The following TRPM1 variants were observed in gnomAD, a reference collection of about 807,000 sequenced individuals.
TRPM1 encodes the protein transient receptor potential cation channel subfamily M member 1.
TRPM1 carries 113 observed loss-of-function variants against 149.4 expected under a neutral mutation model. That is an observed-to-expected ratio of 0.76 (90% CI 0.65 to 0.88). The LOEUF (loss-of-function observed/expected upper bound fraction) is 0.88. Ranked by LOEUF, TRPM1 falls within the 40% of genes least tolerant of loss-of-function variation. TRPM1 has a pLI of 0.00. For synonymous variants in TRPM1, 741 were observed against 759.5 expected (o/e 0.98, Z 0.40); for missense variants, 1,976 against 2,038.7 (o/e 0.97, Z 0.59).
At chr15:31,113,123 G>A (rs758158845) in intron 1 of TRPM1, among the ~76,000 whole-genome samples, 36 of 152,116 alleles carry the variant, frequency 2.4e-4, no homozygotes, top group Non-Finnish European at 4.9e-4. Flanking sequence ...AGGTAGCTAA[G>A]ATCACCTCTC....
At chr15:31,098,106 C>T (rs967786446) in intron 1 of TRPM1, among the ~76,000 whole-genome samples, 81 of 152,094 alleles carry the variant, frequency 5.3e-4, no homozygotes, top group Middle Eastern at 6.3e-3. Flanking sequence ...GTCTGTGGCG[C>T]GTGTGCTATT....
intron 12 of TRPM1, 41 bp from the exon 13 acceptor site, chr15:31,049,550 A>G (rs2033885327): frequency 6.2e-7 from 1 of 1,612,044 alleles, no homozygotes; most frequent in Admixed American, 1.7e-5. Context: ...GTGGCCTCTC[A>G]GAGACACAGG....
chr15:31,060,077 CA>C (rs2034183716), intron 11 of TRPM1, among the ~76,000 whole-genome samples: 1 of 151,910 alleles, frequency 6.6e-6, no homozygotes, highest in Non-Finnish European at 1.5e-5. Flanking sequence ...CACATACAGG[CA>C]CACCACATAT....
At chr15:31,104,856 AGT>A (rs1379142047), upstream of TRPM1, among the ~76,000 whole-genome samples, 1 of 151,976 alleles carries the variant, frequency 6.6e-6, no homozygotes, top group East Asian at 1.9e-4. Flanking sequence ...GGCCTCCCAA[AGT>A]GCTGGGATTA....
rs2035787873 is a variant in TRPM1 at position 31,115,599 on chromosome 15, A to AC, written c.55-38616dup. On this transcript the variant is annotated intron_variant, in intron 1 of 26. Transcript: ENST00000542188. ...TTCCAGAGATGGCCAATCTTAGGGT[A>AC]CCCCTCACACTTTTGTGAGTTTTAC... Among the ~76,000 whole-genome samples the AC allele has an allele frequency of 3.3e-5, 5 of 152,156 alleles. No individual in the cohort carries two copies. The South Asian group carries it at 8.3e-4, about 25-fold the overall frequency.
chr15:31,047,055 G>A (rs558079078), intron 15 of TRPM1, 56 bp downstream of exon 15: 233 of 1,612,538 alleles, frequency 1.4e-4, no homozygotes, highest in Non-Finnish European at 1.7e-4. Flanking sequence ...AAAAGCAAGC[G>A]AGGAACCACA....
rs1005903684 is a variant in TRPM1 at position 31,044,514 on chromosome 15, T to C, written c.1794+1690A>G. On this transcript the variant is annotated intron_variant, in intron 16 of 27. Transcript: ENST00000256552. ...GAGGCTGGGCGTGGTGGCTCGTGCC[T>C]GTAATTCCAGCACTTTGGGAGGCCA... 8.5e-5 allele frequency among the ~76,000 whole-genome samples: 13 copies of C among 152,294 alleles called. No individual in the cohort carries two copies. In the East Asian group the frequency reaches 2.5e-3, roughly 29 times the overall value.
In TRPM1 at chr15:31,145,756, T is replaced by G. The variant is rs75378896; in HGVS notation, c.54+15150A>C. Among the ~76,000 whole-genome samples, 502 of 152,234 alleles carry G rather than the reference T, an allele frequency of 3.3e-3. 2 individuals carry two copies. The highest frequency in any genetic ancestry group is 0.011 in the African/African-American group (476 of 41,540). ...CTGCAAAAAATCAATACACAGCCAC[T>G]CAAAATGTGTAGAGGACTCACAGGC... On this transcript the variant is annotated intron_variant, in intron 1 of 26. Transcript: ENST00000542188.
chr15:31,077,872 G>A (rs2034752188), intron 2 of TRPM1, among the ~76,000 whole-genome samples: 1 of 151,890 alleles, frequency 6.6e-6, no homozygotes, highest in Non-Finnish European at 1.5e-5. Context: ...TGTGGTGTGT[G>A]TTTGTGATGT....
chr15:31,002,835 C>T lies in TRPM1; in HGVS notation c.3865G>A (p.Ala1289Thr), dbSNP rs932293179. ...YLLRQSSINS[A>T]DGYSLYRYHF... The stretch of plus-strand genomic sequence containing the variant: ...TATCGATACAAGCTGTAGCCATCAG[C>T]GCTATTGATGCTGCTTTGCCGGAGA... Residue 1289 changes from alanine (A) to threonine (T), a missense_variant, in exon 28 of 28, where the codon GCT (alanine) becomes ACT (threonine). By Grantham distance (58) the Ala-to-Thr change is moderately conservative. Coordinates refer to ENST00000256552, the MANE Select transcript of TRPM1 (RefSeq NM_001252024.2). 3.7e-6 allele frequency: 6 copies of T among 1,614,220 alleles called. No homozygotes were observed. The highest frequency in any genetic ancestry group is 2.2e-5 in the East Asian group (1 of 44,890).
At position 31,047,271 on chromosome 15, in the gene TRPM1, T is replaced by C. The variant is rs945927803; in HGVS notation, c.1624-20A>G. 1 of 1,614,042 alleles carries C rather than the reference T, an allele frequency of 6.2e-7. No homozygotes were observed. Among genetic ancestry groups the C allele is most frequent in the African/African-American group, 1.3e-5 (1 of 74,920 alleles). ...GTTGCTCTGTAAAAGAAGTCTGGTC[T>C]CAGGCCCTGTGAGAATGCGTTCGCA... On this transcript the variant is annotated intron_variant, in intron 14 of 27. Coordinates refer to ENST00000256552, the MANE Select transcript of TRPM1 (RefSeq NM_001252024.2).
chr15:31,133,710 G>A (rs2036051628), intron 1 of TRPM1, among the ~76,000 whole-genome samples: 2 of 151,914 alleles, frequency 1.3e-5, no homozygotes, highest in Admixed American at 6.6e-5. Flanking sequence ...ATTGGGAGGG[G>A]GTGGGAAACT....
chr15:31,006,595 G>C (rs1043519175), intron 27 of TRPM1, among the ~76,000 whole-genome samples: 5 of 152,320 alleles, frequency 3.3e-5, no homozygotes, highest in African/African-American at 9.6e-5. Context: ...GGTTTTGTGT[G>C]AACATGTTTT....
chr15:31,047,928 T>C lies in TRPM1; in HGVS notation c.1584A>G (p.Pro528=), dbSNP rs1185416811. The change falls in exon 14 of 28, where the codon CCA becomes CCG. Residue 528 remains proline (P), a synonymous_variant. Coordinates refer to ENST00000256552, the MANE Select transcript of TRPM1 (RefSeq NM_001252024.2). ...TCACCAGCAGATGAAGTGTGTTTGG[T>C]GGACCCAGTCTCTGAAAGAGAAGCA... ...LEELYNTRLG[P]PNTLHLLVRD... is the part of the protein sequence containing the mutation. 1 of 1,613,924 alleles carries C rather than the reference T, an allele frequency of 6.2e-7. No individual in the cohort carries two copies. Among genetic ancestry groups the C allele is most frequent in the Non-Finnish European group, 8.5e-7 (1 of 1,179,872 alleles).
At position 31,038,081 on chromosome 15, in the gene TRPM1, T is replaced by C. The variant is rs375423275; in HGVS notation, c.2402A>G (p.Glu801Gly). Residue 801 changes from glutamate to glycine, a missense_variant, in exon 19 of 28, where the codon GAA (glutamate) becomes GGA (glycine). Glu to Gly is a moderately conservative substitution (Grantham distance 98, BLOSUM62 -2). Around this residue, in one of 3 missense-constraint regions of TRPM1, gnomAD observed 1,332 missense variants for 1,347.1 expected, o/e 0.99. Coordinates refer to ENST00000256552, the MANE Select transcript of TRPM1 (RefSeq NM_001252024.2). Reference protein sequence around the residue: ...YDDFSYQTSKENEDGKEKEEE... With the variant: ...YDDFSYQTSKGNEDGKEKEEE... ...TTCTTTTTCTTTGCCATCCTCATTT[T>C]CCTTGGATGTTTGATACGAGAAATC... is the stretch of plus-strand genomic sequence containing the variant. 163 of 1,614,084 alleles carry C rather than the reference T, an allele frequency of 1.0e-4. No homozygotes were observed. The highest frequency in any genetic ancestry group is 1.3e-4 in the Non-Finnish European group (152 of 1,180,020).
chr15:31,003,338 T>TGA (rs1364886115), intron 27 of TRPM1, among the ~76,000 whole-genome samples: 1 of 152,266 alleles, frequency 6.6e-6, no homozygotes, highest in African/African-American at 2.4e-5. Flanking sequence ...AACAGGTACT[T>TGA]ACTGAGGTTC....
At chr15:31,102,200 A>G (rs543387451), upstream of TRPM1, among the ~76,000 whole-genome samples, 108 of 152,284 alleles carry the variant, frequency 7.1e-4, no homozygotes, top group South Asian at 1.9e-3. Flanking sequence ...TGAGCCCCAC[A>G]TGACTCTCAG....
chr15:31,069,930 C>T, intron 4 of TRPM1, 101 bp downstream of exon 4: 2 of 1,611,128 alleles, frequency 1.2e-6, no homozygotes, highest in Non-Finnish European at 1.7e-6. Context: ...GATTGAGCCA[C>T]AGCCATGAAG....
chr15:31,006,233 A>T (rs2031983477), intron 27 of TRPM1, among the ~76,000 whole-genome samples: 1 of 151,906 alleles, frequency 6.6e-6, no homozygotes, highest in African/African-American at 2.4e-5. Context: ...ACTAGAGTAC[A>T]GTGGCGCAAT....
Sources: gnomAD v4.1 joint callset for allele counts (sites outside exome capture counted in the v4.1 genomes callset) on GRCh38, gnomAD v4.1.1 for gene constraint, gnomAD v4.1.1 regional missense constraint, MANE v1.5 for transcripts, NCBI Gene and HGNC (gene_info 2026-07-23, HGNC 2026-07-21) for gene names.